The following AHCY variants were observed in gnomAD, a reference collection of about 807,000 sequenced individuals.
AHCY encodes S-adenosyl-L-homocysteine hydrolase.
AHCY carries 24 observed loss-of-function variants against 45.4 expected under a neutral mutation model. The observed-to-expected ratio is 0.53, with a 90% CI of 0.38 to 0.74. The LOEUF is 0.74. Among genes scored for constraint, AHCY ranks in the 30% least tolerant of loss-of-function variants. The pLI, the probability that AHCY is intolerant of heterozygous loss-of-function variation, is 0.00. For synonymous variants in AHCY, 245 were observed against 235.1 expected (o/e 1.04, Z -0.39); for missense variants, 449 against 594.1 (o/e 0.76, Z 2.54).
chr20:34,278,037 C>T (rs1458352527), downstream of AHCY, among the ~76,000 whole-genome samples: 2 of 152,190 alleles, frequency 1.3e-5, no homozygotes, highest in East Asian at 1.9e-4. Context: ...TTCCTTCTTT[C>T]TCCATGAAGC....
At chr20:34,268,823 G>A in the AHCY span, among the ~76,000 whole-genome samples, 1 of 152,128 alleles carries the variant, frequency 6.6e-6, no homozygotes, top group Non-Finnish European at 1.5e-5. Context: ...GTCTGGATGG[G>A]GATGGAGGTG....
At chr20:34,303,530 G>C (rs2036853900), upstream of AHCY, among the ~76,000 whole-genome samples, 1 of 152,236 alleles carries the variant, frequency 6.6e-6, no homozygotes, top group African/African-American at 2.4e-5. Flanking sequence ...GTCCGGAAGG[G>C]AGCGCCGGGA....
chr20:34,292,501 G>A lies in AHCY; in HGVS notation c.302C>T (p.Ala101Val). 6.2e-7 allele frequency: 1 copy of A among 1,614,020 alleles called. No individual in the cohort carries two copies. The highest frequency in any genetic ancestry group is 1.7e-4 in the Middle Eastern group (1 of 5,922). ...CTCCTCGTCCGTTTCGCCCTTCCAG[G>A]CATACACTGGAGGGTGAGTGGCACA... is the stretch of plus-strand genomic sequence containing the variant. ...AIAKAGIPVY[A>V]WKGETDEEYL... Residue 101 changes from alanine to valine, a missense_variant, in exon 4 of 10, where the codon GCC becomes GTC. By Grantham distance (64) the Ala-to-Val change is moderately conservative. Transcript: ENST00000217426.
chr20:34,289,232 G>A (rs1201616589), intron 8 of AHCY, among the ~76,000 whole-genome samples: 1 of 152,058 alleles, frequency 6.6e-6, no homozygotes, highest in African/African-American at 2.4e-5. Context: ...GGAGTGCAGT[G>A]GAACAATCTC....
chr20:34,236,643 G>A, the AHCY span, among the ~76,000 whole-genome samples: 32 of 152,154 alleles, frequency 2.1e-4, no homozygotes, highest in African/African-American at 7.5e-4. Context: ...CTGAGCCCAG[G>A]AGTTTGAAAC....
At chr20:34,253,088 C>T in the AHCY span, among the ~76,000 whole-genome samples, 6 of 152,054 alleles carry the variant, frequency 3.9e-5, no homozygotes, top group African/African-American at 1.2e-4. Context: ...GACACAGTAA[C>T]AACCTGATCT....
At chr20:34,276,798 G>A (rs866741099), downstream of AHCY, among the ~76,000 whole-genome samples, 7 of 152,074 alleles carry the variant, frequency 4.6e-5, no homozygotes, top group Non-Finnish European at 1.0e-4. Context: ...CTGTCTTGGA[G>A]CCAGTTTGGA....
At chr20:34,298,877 TTCTC>T (rs1165616626) in intron 1 of AHCY, among the ~76,000 whole-genome samples, 11 of 152,078 alleles carry the variant, frequency 7.2e-5, no homozygotes, top group Non-Finnish European at 1.3e-4. Flanking sequence ...TAAGCTGTCT[TTCTC>T]TCTGTCTCCT....
At chr20:34,258,692 C>CATAA in the AHCY span, among the ~76,000 whole-genome samples, 1 of 11,140 alleles carries the variant, frequency 9.0e-5, no homozygotes, top group South Asian at 3.9e-3. Context: ...TATATATATA[C>CATAA]ATACTATATA....
the AHCY span, among the ~76,000 whole-genome samples, chr20:34,242,082 C>T: frequency 1.3e-5 from 2 of 152,086 alleles, no homozygotes; most frequent in African/African-American, 2.4e-5. Flanking sequence ...TAGGTGAGTT[C>T]GCTCTGCTTC....
At chr20:34,238,390 T>G in the AHCY span, among the ~76,000 whole-genome samples, 3 of 152,184 alleles carry the variant, frequency 2.0e-5, no homozygotes, top group African/African-American at 7.2e-5. Flanking sequence ...TGGTTCTATC[T>G]TCAAGTTCAT....
At chr20:34,274,584 G>C in the AHCY span, among the ~76,000 whole-genome samples, 1 of 152,142 alleles carries the variant, frequency 6.6e-6, no homozygotes, top group Non-Finnish European at 1.5e-5. Flanking sequence ...AGAAGCAGCT[G>C]CATCTTCTTT....
the AHCY span, among the ~76,000 whole-genome samples, chr20:34,263,553 C>T: frequency 1.3e-5 from 2 of 152,088 alleles, no homozygotes; most frequent in Admixed American, 1.3e-4. Flanking sequence ...GAGTGAAACT[C>T]TGTCTCAAAA....
chr20:34,311,521 CGGAGAG>C (rs1339786000), exon 1 of AHCY: 1 of 151,392 alleles, frequency 6.6e-6, no homozygotes, highest in Non-Finnish European at 1.5e-5. Flanking sequence ...CGCGGAGGGG[CGGAGAG>C]GGGGCGGAGA....
At chr20:34,294,266 T>A in intron 2 of AHCY, 110 bp from the exon 3 acceptor site, 1 of 967,738 alleles carries the variant, frequency 1.0e-6, no homozygotes, top group Non-Finnish European at 1.6e-6. Flanking sequence ...GCTTGGGATC[T>A]AGGCACAGCA....
intron 1 of AHCY, chr20:34,301,730 T>C (rs2036779423): frequency 1.2e-6 from 1 of 817,548 alleles, no homozygotes; most frequent in African/African-American, 1.9e-5. Context: ...CCATTCCAGC[T>C]CTACTATTGA....
At chr20:34,285,844 T>G (rs1309859476) in intron 8 of AHCY, among the ~76,000 whole-genome samples, 1 of 152,166 alleles carries the variant, frequency 6.6e-6, no homozygotes, top group African/African-American at 2.4e-5. Flanking sequence ...CTCACGCCTG[T>G]AATCCCAGCA....
the AHCY span, among the ~76,000 whole-genome samples, chr20:34,265,848 A>G: frequency 0.24 from 37,012 of 151,176 alleles, 7,352 homozygotes; most frequent in African/African-American, 0.55. Context: ...TACTCAGGAG[A>G]CTGAGGCAGG....
At chr20:34,275,203 G>A in the AHCY span, among the ~76,000 whole-genome samples, 3 of 145,736 alleles carry the variant, frequency 2.1e-5, no homozygotes, top group African/African-American at 7.5e-5. Context: ...CTTGATCTCC[G>A]CTCACTGCAA....
Sources: allele counts gnomAD v4.1 joint callset (sites outside exome capture counted in the v4.1 genomes callset), GRCh38; gene constraint gnomAD v4.1.1; transcripts MANE v1.5; gene names NCBI Gene and HGNC (gene_info 2026-07-23, HGNC 2026-07-21).